POLA1: variants seen among roughly 807,000 people sequenced by gnomAD.
POLA1 encodes DNA polymerase alpha 1, catalytic subunit.
POLA1 carries 15 observed loss-of-function variants against 124.0 expected under a neutral mutation model. The ratio of observed to expected loss-of-function variants is 0.12; its 90% CI spans 0.08 to 0.19. The LOEUF is 0.19. Among genes scored for constraint, POLA1 ranks in the 10% least tolerant of loss-of-function variants. POLA1 has a pLI of 1.00. For missense variants in POLA1, 886 were observed against 1,103.4 expected (o/e 0.80, Z 2.79); for synonymous variants, 408 against 389.4 (o/e 1.05, Z -0.56).
At chrX:24,772,297 T>C (rs2148440178) in intron 26 of POLA1, among the ~76,000 whole-genome samples, 1 of 111,926 alleles carries the variant, frequency 8.9e-6, no homozygotes, top group South Asian at 3.8e-4. Context: ...TATTTTCAGG[T>C]TAAAAGATGT....
At chrX:24,873,053 T>C (rs745917916) in intron 34 of POLA1, among the ~76,000 whole-genome samples, 9 of 111,056 alleles carry the variant, frequency 8.1e-5, no homozygotes, top group African/African-American at 2.9e-4. Context: ...TCACCCAGAG[T>C]CCATAGTTTA....
intron 15 of POLA1, among the ~76,000 whole-genome samples, chrX:24,730,701 T>TG (rs1201468960): frequency 1.8e-5 from 2 of 112,324 alleles, no homozygotes; most frequent in African/African-American, 6.5e-5. Context: ...GGAATCAACT[T>TG]GAAGAGTCTT....
At chrX:24,825,441 T>C (rs899208546) in intron 31 of POLA1, among the ~76,000 whole-genome samples, 1 of 112,004 alleles carries the variant, frequency 8.9e-6, no homozygotes, top group African/African-American at 3.2e-5. Context: ...AGGGACTGAT[T>C]GTAGCAGGAA....
rs192188948 is a variant in POLA1 at position 24,727,883 on chromosome X, G to A, written c.1633G>A (p.Val545Met). 56 of 1,209,142 alleles carry A rather than the reference G, an allele frequency of 4.6e-5. 1 individual carries two copies. The East Asian group carries it at 1.5e-3, about 31-fold the overall frequency. Residue 545 changes from valine to methionine, a missense_variant, in exon 15 of 37, where the codon GTG becomes ATG. By Grantham distance (21) the Val-to-Met change is conservative. This residue lies in a region of POLA1 where 337 missense variants were observed against 402.8 expected (regional missense o/e 0.84). Coordinates refer to ENST00000379068, the MANE Select transcript of POLA1 (RefSeq NM_001330360.2). ...IKDVSPPPLV[V>M]MAFSMKTMQN... ...GGATGTCAGTCCACCACCGCTTGTCGTGATGGCTTTCAGCATGAAGACAAT... is the reference window on the plus strand; with the variant it reads ...GGATGTCAGTCCACCACCGCTTGTCATGATGGCTTTCAGCATGAAGACAAT...
intron 34 of POLA1, among the ~76,000 whole-genome samples, chrX:24,871,325 G>A (rs1159568171): frequency 8.9e-6 from 1 of 112,005 alleles, no homozygotes; most frequent in Admixed American, 9.5e-5. Flanking sequence ...GTAAAGACCA[G>A]AGAATGTGCA....
At chrX:24,706,958 A>C (rs1928854803) in intron 4 of POLA1, among the ~76,000 whole-genome samples, 1 of 112,640 alleles carries the variant, frequency 8.9e-6, no homozygotes, top group South Asian at 3.6e-4. Flanking sequence ...AAAAATAAGC[A>C]TATGTATTTT....
At chrX:24,816,093 CTTTG>C (rs762593558) in intron 30 of POLA1, among the ~76,000 whole-genome samples, 7 of 111,647 alleles carry the variant, frequency 6.3e-5, no homozygotes, top group Non-Finnish European at 9.4e-5. Flanking sequence ...TATTGAACAT[CTTTG>C]TTTATTTATC....
At chrX:24,983,797 C>A (rs969139188) in intron 36 of POLA1, among the ~76,000 whole-genome samples, 2 of 81,536 alleles carry the variant, frequency 2.5e-5, no homozygotes. Context: ...TGTAGATCGT[C>A]CTGTCTTAAT....
At chrX:24,894,152 C>CA (rs1296776835) in intron 35 of POLA1, among the ~76,000 whole-genome samples, 1 of 111,699 alleles carries the variant, frequency 9.0e-6, no homozygotes, top group Non-Finnish European at 1.9e-5. Flanking sequence ...TTGAGGAGCC[C>CA]AAAACTGCGT....
At position 24,843,691 on chromosome X, in the gene POLA1, A is replaced by C; in HGVS notation, c.4047+14A>C. 21 of 1,101,761 alleles carry C rather than the reference A, an allele frequency of 1.9e-5. No individual in the cohort carries two copies. Among genetic ancestry groups the C allele is most frequent in the Non-Finnish European group, 2.6e-5 (21 of 814,755 alleles). The allele number at this position is 1,101,761 out of a possible 1,213,427, so 90.8% of individuals were successfully genotyped here. On this transcript the variant is annotated intron_variant, in intron 34 of 36. Coordinates refer to ENST00000379068, the MANE Select transcript of POLA1 (RefSeq NM_001330360.2). ...AAGTACTATGATGTAAGTATCCATAATGATATTCTTACATACACAACTTAT... is the reference window on the plus strand; with the variant it reads ...AAGTACTATGATGTAAGTATCCATACTGATATTCTTACATACACAACTTAT...
At chrX:24,760,405 C>G (rs1264903957) in intron 26 of POLA1, among the ~76,000 whole-genome samples, 1 of 111,736 alleles carries the variant, frequency 8.9e-6, no homozygotes, top group Non-Finnish European at 1.9e-5. Flanking sequence ...ATCACATGCT[C>G]AAGTGTTTGA....
At chrX:24,716,537 AC>A (rs1018288576) in intron 7 of POLA1, 83 bp downstream of exon 7, 2 of 525,997 alleles carry the variant, frequency 3.8e-6, no homozygotes, top group Non-Finnish European at 6.5e-6. Flanking sequence ...TGAGGGAAAT[AC>A]CTTTACATTT....
intron 32 of POLA1, among the ~76,000 whole-genome samples, chrX:24,834,952 G>A (rs1038840718): frequency 1.2e-4 from 13 of 110,055 alleles, no homozygotes; most frequent in African/African-American, 4.0e-4. Context: ...CTGCACTGGT[G>A]GCCAATCTTA....
At chrX:24,865,792 C>A (rs1237749154) in intron 34 of POLA1, among the ~76,000 whole-genome samples, 1 of 111,342 alleles carries the variant, frequency 9.0e-6, no homozygotes, top group Non-Finnish European at 1.9e-5. Flanking sequence ...AGTAGAAAAT[C>A]AGCTGATGTA....
intron 26 of POLA1, among the ~76,000 whole-genome samples, chrX:24,794,122 G>A (rs1353753630): frequency 9.0e-6 from 1 of 110,593 alleles, no homozygotes; most frequent in Non-Finnish European, 1.9e-5. Flanking sequence ...GACTATAGGT[G>A]TGTGCCACCA....
intron 15 of POLA1, among the ~76,000 whole-genome samples, chrX:24,729,202 C>T (rs1161162289): frequency 2.7e-5 from 3 of 111,658 alleles, no homozygotes; most frequent in African/African-American, 9.8e-5. Context: ...GTATTTTGGG[C>T]CGGATAATGC....
At chrX:24,765,558 A>G (rs1932885922) in intron 26 of POLA1, among the ~76,000 whole-genome samples, 1 of 110,845 alleles carries the variant, frequency 9.0e-6, no homozygotes, top group Non-Finnish European at 1.9e-5. Context: ...TGGCCTCCCA[A>G]AGTGCTGGAA....
intron 36 of POLA1, among the ~76,000 whole-genome samples, chrX:24,956,520 G>A (rs966579308): frequency 1.5e-4 from 16 of 110,113 alleles, no homozygotes; most frequent in Non-Finnish European, 2.3e-4. Flanking sequence ...TAGTATTCCC[G>A]GGGTAACAAA....
At chrX:24,828,954 A>G (rs2046217470) in intron 32 of POLA1, among the ~76,000 whole-genome samples, 1 of 112,316 alleles carries the variant, frequency 8.9e-6, no homozygotes, top group African/African-American at 3.2e-5. Flanking sequence ...TTGACTTGAC[A>G]GATACTTTAT....
Sources: gnomAD v4.1 joint callset for allele counts (sites outside exome capture counted in the v4.1 genomes callset) on GRCh38, gnomAD v4.1.1 for gene constraint, gnomAD v4.1.1 regional missense constraint, MANE v1.5 for transcripts, NCBI Gene and HGNC (gene_info 2026-07-23, HGNC 2026-07-21) for gene names.